GOLGA5: variants seen among roughly 807,000 people sequenced by gnomAD.
GOLGA5 encodes the protein golgin subfamily A member 5.
A neutral mutation model predicts 93.5 loss-of-function variants in GOLGA5; 50 were observed. The observed-to-expected ratio is 0.53, with a 90% CI of 0.43 to 0.68. The LOEUF is 0.68. GOLGA5 is among the 30% of genes least tolerant of loss of function. The probability of loss-of-function intolerance (pLI) is 0.00; values close to 1 mark genes in which losing one functional copy is unlikely to be tolerated. For missense variants in GOLGA5, 760 were observed against 856.4 expected (o/e 0.89, Z 1.40); for synonymous variants, 312 against 304.5 (o/e 1.02, Z -0.26).
chr14:92,808,088 GC>G (rs1555404655), intron 3 of GOLGA5, among the ~76,000 whole-genome samples: 3 of 152,072 alleles, frequency 2.0e-5, no homozygotes, highest in Non-Finnish European at 4.4e-5. Flanking sequence ...AAAAAAATTA[GC>G]TGGGCATGGT....
chr14:92,821,029 A>G (rs1210906130), intron 8 of GOLGA5, among the ~76,000 whole-genome samples: 1 of 152,220 alleles, frequency 6.6e-6, no homozygotes, highest in Non-Finnish European at 1.5e-5. Flanking sequence ...GAGGCACAGA[A>G]TGGTGATGGC....
chr14:92,807,023 G>T (rs758423919), intron 3 of GOLGA5, 60 bp downstream of exon 3: 2 of 1,179,996 alleles, frequency 1.7e-6, no homozygotes, highest in Non-Finnish European at 1.3e-6. Flanking sequence ...CTTAAGGCTG[G>T]ACGCAGTGGC....
chr14:92,805,322 G>A (rs1051508600), intron 2 of GOLGA5, among the ~76,000 whole-genome samples: 1 of 152,014 alleles, frequency 6.6e-6, no homozygotes, highest in Admixed American at 6.6e-5. Flanking sequence ...CCATGTTACT[G>A]TTCTTTTTTT....
intron 2 of GOLGA5, among the ~76,000 whole-genome samples, chr14:92,805,821 G>T (rs935817254): frequency 1.9e-4 from 29 of 151,642 alleles, no homozygotes; most frequent in Non-Finnish European, 4.0e-4. Context: ...GATTGTTTTA[G>T]TCAGTTTTAT....
In GOLGA5 at chr14:92,800,861, A is replaced by G. The variant is rs1006289772; in HGVS notation, c.544+2880A>G. Among the ~76,000 whole-genome samples, 6 of 152,252 alleles carry G rather than the reference A, an allele frequency of 3.9e-5. No individual in the cohort carries two copies. In the East Asian group the frequency reaches 1.2e-3, roughly 29 times the overall value. ...ATTTAATTAGAAAGAATGGACCTAA[A>G]GGGAACCTCGTTGTCAGGGAAATGA... is the stretch of plus-strand genomic sequence containing the variant. On this transcript the variant is annotated intron_variant, in intron 2 of 12. Coordinates refer to ENST00000163416, the MANE Select transcript of GOLGA5 (RefSeq NM_005113.4).
chr14:92,816,465 C>T (rs376577276), intron 7 of GOLGA5, 44 bp downstream of exon 7: 2 of 1,502,766 alleles, frequency 1.3e-6, no homozygotes, highest in South Asian at 2.3e-5. Context: ...CATTTACCCT[C>T]AGGTGTTAAC....
In GOLGA5 at chr14:92,810,262, A is replaced by G. The variant is rs759413768; in HGVS notation, c.1001A>G (p.Gln334Arg). 19 of 1,602,274 alleles carry G rather than the reference A, an allele frequency of 1.2e-5. No individual in the cohort carries two copies. The African/African-American group carries it at 2.2e-4, about 18-fold the overall frequency. The change falls in exon 5 of 13, where the codon CAG (glutamine) becomes CGG (arginine). Residue 334 changes from glutamine to arginine, a missense_variant. Gln to Arg is a conservative substitution (Grantham distance 43). Transcript: ENST00000163416. ...ALQSEKSRIM[Q>R]DQSEGNSLQN... ...GATGCATTTTCCTTTAGAATAATGC[A>G]GGATCAAAGTGAAGGTAACAGCCTG...
At chr14:92,816,097 G>A (rs1885198320) in intron 6 of GOLGA5, among the ~76,000 whole-genome samples, 154 bp from the exon 7 acceptor site, 1 of 152,136 alleles carries the variant, frequency 6.6e-6, no homozygotes, top group South Asian at 2.1e-4. Flanking sequence ...GCTCTGTTGT[G>A]TTTTTTATCC....
At chr14:92,827,899 C>T (rs1308626428) in intron 9 of GOLGA5, among the ~76,000 whole-genome samples, 1 of 152,170 alleles carries the variant, frequency 6.6e-6, no homozygotes, top group East Asian at 1.9e-4. Flanking sequence ...CAGAGCAAGG[C>T]CCTAACTCTC....
intron 10 of GOLGA5, among the ~76,000 whole-genome samples, chr14:92,834,344 C>T (rs1370774992): frequency 6.6e-6 from 1 of 151,832 alleles, no homozygotes; most frequent in Non-Finnish European, 1.5e-5. Flanking sequence ...TAATACTATC[C>T]CTCCTCCCCC....
At chr14:92,829,959 A>G (rs1430366649) in intron 9 of GOLGA5, among the ~76,000 whole-genome samples, 1 of 152,198 alleles carries the variant, frequency 6.6e-6, no homozygotes, top group African/African-American at 2.4e-5. Context: ...CATCAAGGCA[A>G]GACTCTCCAC....
At position 92,809,294 on chromosome 14, in the gene GOLGA5, T is replaced by A. The variant is rs1489625230; in HGVS notation, c.773-6T>A. The A allele has an allele frequency of 6.3e-7, 1 of 1,588,868 alleles. No individual in the cohort carries two copies. Among genetic ancestry groups the A allele is most frequent in the East Asian group, 2.2e-5 (1 of 44,728 alleles). ...CTTGTATAGAGAAATTTAAATTTTT[T>A]AATAGAATTAAACAAAGCAAGAGCA... On this transcript the variant is annotated splice_polypyrimidine_tract_variant and splice_region_variant and intron_variant, in intron 3 of 12. Coordinates refer to ENST00000163416, the MANE Select transcript of GOLGA5 (RefSeq NM_005113.4).
chr14:92,810,417 C>A (rs768472581), intron 5 of GOLGA5, 40 bp downstream of exon 5: 3 of 1,467,396 alleles, frequency 2.0e-6, no homozygotes, highest in Admixed American at 5.0e-5. Context: ...GTTACTTGGA[C>A]ACGGAAAAAA....
chr14:92,809,604 G>A lies in GOLGA5; in HGVS notation c.992+85G>A, dbSNP rs146381473. On this transcript the variant is annotated intron_variant, in intron 4 of 12. Coordinates refer to ENST00000163416, the MANE Select transcript of GOLGA5 (RefSeq NM_005113.4). ...TCCACTTATGAAACTTAGCTTTCTT[G>A]GAAATTTACAAGAGGGAATATTTCT... The A allele has an allele frequency of 1.1e-3, 874 of 806,568 alleles. 1 individual carries two copies. Among genetic ancestry groups the A allele is most frequent in the African/African-American group, 0.011 (606 of 57,664 alleles). 50.0% of individuals were successfully genotyped at this position (806,568 alleles called of 1,614,324 possible).
rs1884774562 is a variant in GOLGA5, at chr14:92,797,967, G to A, written c.530G>A (p.Gly177Glu). 1 of 1,584,426 alleles carries A rather than the reference G, an allele frequency of 6.3e-7. No individual in the cohort carries two copies. Among genetic ancestry groups the A allele is most frequent in the Admixed American group, 1.9e-5 (1 of 52,054 alleles). ...AAAACCATTGAAGAAAATTCTTTTGGGAGCCAAACCCACGGTAGTTAATCA... is the reference window on the plus strand; with the variant it reads ...AAAACCATTGAAGAAAATTCTTTTGAGAGCCAAACCCACGGTAGTTAATCA... ...TIKTIEENSF[G>E]SQTHEAASNS... Residue 177 changes from glycine (G) to glutamate (E), a missense_variant, in exon 2 of 13, where the codon GGG (glycine) becomes GAG (glutamate). By Grantham distance (98) the Gly-to-Glu change is moderately conservative. Coordinates refer to ENST00000163416, the MANE Select transcript of GOLGA5 (RefSeq NM_005113.4).
At chr14:92,798,476 T>C (rs1884787947) in intron 2 of GOLGA5, among the ~76,000 whole-genome samples, 2 of 152,204 alleles carry the variant, frequency 1.3e-5, no homozygotes, top group African/African-American at 4.8e-5. Flanking sequence ...TTGAAGGCAT[T>C]GACCTAGTAG....
chr14:92,819,598 A>T (rs775632619), intron 7 of GOLGA5, 110 bp from the exon 8 acceptor site: 1 of 972,696 alleles, frequency 1.0e-6, no homozygotes, highest in African/African-American at 1.6e-5. Flanking sequence ...GTGCCACTGC[A>T]CTCCAGCCTG....
In GOLGA5 at chr14:92,810,361, G is replaced by A. The variant is rs755264599; in HGVS notation, c.1100G>A (p.Ser367Asn). The part of the protein sequence containing the change: ...ADATLKREQE[S>N]YKQMQSEFAA... ...GCCACTCTGAAGAGAGAGCAGGAGA[G>A]CTATAAACAGATGCAGGTTAGAATG... Residue 367 changes from serine (S) to asparagine (N), a missense_variant, in exon 5 of 13, where the codon AGC becomes AAC. Physicochemically the swap from Ser to Asn is conservative, Grantham distance 46 (BLOSUM62 1). Coordinates refer to ENST00000163416, the MANE Select transcript of GOLGA5 (RefSeq NM_005113.4). 30 of 1,587,186 alleles carry A rather than the reference G, an allele frequency of 1.9e-5. No homozygotes were observed. Among genetic ancestry groups the A allele is most frequent in the Non-Finnish European group, 2.5e-5 (29 of 1,170,492 alleles).
rs181667192 is a variant in GOLGA5 at position 92,825,576 on chromosome 14, T to C, written c.1719+932T>C. 2.0e-5 allele frequency among the ~76,000 whole-genome samples: 3 copies of C among 152,252 alleles called. No homozygotes were observed. In the East Asian group the frequency reaches 5.8e-4, roughly 29 times the overall value. ...TTGCACCATTTTTGTTAATCAAGAA[T>C]TAGGCCAGGTGAGGTAGTTCATGCT... On this transcript the variant is annotated intron_variant, in intron 9 of 12. Coordinates refer to ENST00000163416, the MANE Select transcript of GOLGA5 (RefSeq NM_005113.4).
Sources: gnomAD v4.1 joint callset for allele counts (sites outside exome capture counted in the v4.1 genomes callset) on GRCh38, gnomAD v4.1.1 for gene constraint, MANE v1.5 for transcripts, NCBI Gene and HGNC (gene_info 2026-07-23, HGNC 2026-07-21) for gene names.